The following ZCCHC4 variants were observed in gnomAD, a reference collection of about 807,000 sequenced individuals.
ZCCHC4 encodes rRNA N(6)-adenosine-methyltransferase ZCCHC4.
Under a neutral mutation model 67.7 loss-of-function variants are expected in ZCCHC4, and 54 were observed. The observed-to-expected ratio is 0.80, with a 90% CI of 0.64 to 1.00. The LOEUF is 1.00. ZCCHC4 is among the 50% of genes least tolerant of loss of function. The pLI is 0.00. For synonymous variants in ZCCHC4, 198 were observed against 213.5 expected (o/e 0.93, Z 0.63); for missense variants, 609 against 617.0 (o/e 0.99, Z 0.14).
chr4:25,344,615 TAATAA>T (rs918590114), intron 5 of ZCCHC4, among the ~76,000 whole-genome samples: 5 of 151,368 alleles, frequency 3.3e-5, no homozygotes, highest in African/African-American at 9.7e-5. Flanking sequence ...AGTATAATAA[TAATAA>T]AATAAAATAA....
Position 25,369,844 on chromosome 4 carries a change from C to T in ZCCHC4, c.*680C>T, listed in dbSNP as rs916939772. Reference sequence around the variant, plus strand: ...ACCTATGCAGTTTGTTTACCGTGAACATAAAAGTATGTTAATTTAAATAGG... The same window carrying T: ...ACCTATGCAGTTTGTTTACCGTGAATATAAAAGTATGTTAATTTAAATAGG... On this transcript the variant is annotated 3_prime_UTR_variant, in exon 13 of 13. Coordinates refer to ENST00000302874, the MANE Select transcript of ZCCHC4 (RefSeq NM_024936.3). 6.6e-6 allele frequency: 1 copy of T among 152,088 alleles called. No individual in the cohort carries two copies. The highest frequency in any genetic ancestry group is 2.4e-5 in the African/African-American group (1 of 41,406). The allele number at this position is 152,088 out of a possible 1,614,324, so 9.4% of individuals were successfully genotyped here.
At chr4:25,337,390 C>T (rs1011520752) in intron 5 of ZCCHC4, among the ~76,000 whole-genome samples, 1 of 152,198 alleles carries the variant, frequency 6.6e-6, no homozygotes, top group Non-Finnish European at 1.5e-5. Context: ...TTCCTTCCTA[C>T]TGCCAGGGAC....
chr4:25,369,284 A>C lies in ZCCHC4; in HGVS notation c.*120A>C. ...AGAGGTGTGCACCTTTCTGAGCTAG[A>C]TAACAGGCAGGTGGCATTTGCTGGT... On this transcript the variant is annotated 3_prime_UTR_variant, in exon 13 of 13. Transcript: ENST00000302874. 7.1e-7 allele frequency: 1 copy of C among 1,409,456 alleles called. No individual in the cohort carries two copies. Among genetic ancestry groups the C allele is most frequent in the Non-Finnish European group, 9.7e-7 (1 of 1,033,368 alleles). 87.3% of individuals were successfully genotyped at this position (1,409,456 alleles called of 1,614,324 possible). A position where few individuals can be genotyped will look rare whatever the true frequency, so the allele number is the denominator to read the frequency against.
chr4:25,352,453 G>C (rs1423901353), intron 8 of ZCCHC4: 4 of 952,692 alleles, frequency 4.2e-6, no homozygotes, highest in Non-Finnish European at 5.0e-6. Flanking sequence ...CTGTCACCCA[G>C]TCTGGAGTGC....
intron 3 of ZCCHC4, among the ~76,000 whole-genome samples, chr4:25,324,287 T>C (rs1425058692): frequency 6.6e-6 from 1 of 152,074 alleles, no homozygotes; most frequent in Non-Finnish European, 1.5e-5. Context: ...AGTGCTGGGA[T>C]TACAGGCATG....
chr4:25,353,427 G>A (rs1049135692), intron 8 of ZCCHC4, among the ~76,000 whole-genome samples: 5 of 152,152 alleles, frequency 3.3e-5, no homozygotes, highest in African/African-American at 4.8e-5. Context: ...CATTTAACTC[G>A]TTTTTGGGGC....
At chr4:25,338,572 C>T (rs1451812392) in intron 5 of ZCCHC4, among the ~76,000 whole-genome samples, 2 of 152,178 alleles carry the variant, frequency 1.3e-5, no homozygotes, top group Non-Finnish European at 1.5e-5. Flanking sequence ...CAGCCTTTGA[C>T]AACCATGAAT....
At chr4:25,347,645 C>T (rs1041847416) in intron 6 of ZCCHC4, among the ~76,000 whole-genome samples, 5 of 152,158 alleles carry the variant, frequency 3.3e-5, no homozygotes, top group East Asian at 1.9e-4. Flanking sequence ...ATTTAAGTGT[C>T]GGCTCAGTGC....
chr4:25,331,557 G>A (rs182367653), intron 3 of ZCCHC4, among the ~76,000 whole-genome samples: 24 of 152,282 alleles, frequency 1.6e-4, no homozygotes, highest in Admixed American at 6.5e-4. Flanking sequence ...TCCTCCTGTC[G>A]TGGGCTCCCA....
At chr4:25,314,274 C>A in intron 2 of ZCCHC4, 110 bp downstream of exon 2, 2 of 678,672 alleles carry the variant, frequency 2.9e-6, no homozygotes, top group Non-Finnish European at 2.5e-6. Flanking sequence ...AGATAAATCT[C>A]TTAAGAGAGA....
rs527361105 is a variant in ZCCHC4, at chr4:25,353,849, T to G, written c.1011+2160T>G. Reference sequence around the variant, plus strand: ...GCAAGTATTAAGTTTAGGTTCTTGCTGTCGGCATTGTCATCACCATCACTG... The same window carrying G: ...GCAAGTATTAAGTTTAGGTTCTTGCGGTCGGCATTGTCATCACCATCACTG... On this transcript the variant is annotated intron_variant, in intron 8 of 12. Coordinates refer to ENST00000302874, the MANE Select transcript of ZCCHC4 (RefSeq NM_024936.3). 7.7e-3 allele frequency among the ~76,000 whole-genome samples: 1,172 copies of G among 152,334 alleles called. 7 individuals are homozygous for G. The highest frequency in any genetic ancestry group is 0.011 in the Non-Finnish European group (740 of 68,026).
chr4:25,316,927 A>G (rs1273464335), intron 3 of ZCCHC4, among the ~76,000 whole-genome samples: 1 of 152,200 alleles, frequency 6.6e-6, no homozygotes, highest in Admixed American at 6.6e-5. Context: ...CTTTTTTGAA[A>G]TACTAAACCA....
chr4:25,319,391 A>G (rs913404600), intron 3 of ZCCHC4, among the ~76,000 whole-genome samples: 9 of 152,042 alleles, frequency 5.9e-5, no homozygotes, highest in African/African-American at 2.2e-4. Flanking sequence ...TCTCAAAGAA[A>G]AAAAAAAAAG....
chr4:25,315,890 T>A (rs1310947065), intron 3 of ZCCHC4, among the ~76,000 whole-genome samples: 1 of 152,116 alleles, frequency 6.6e-6, no homozygotes, highest in Admixed American at 6.5e-5. Flanking sequence ...TTTATTATTA[T>A]TTTTTATAGA....
In ZCCHC4 at chr4:25,312,785, A is replaced by G; in HGVS notation, c.-25A>G. 1 of 1,612,448 alleles carries G rather than the reference A, an allele frequency of 6.2e-7. No individual in the cohort carries two copies. The highest frequency in any genetic ancestry group is 8.5e-7 in the Non-Finnish European group (1 of 1,179,750). ...TTCTCAGCATTCTTGTTTCGTACTG[A>G]GGCTTTCGGGACGGCGGCGGGAAGA... On this transcript the variant is annotated 5_prime_UTR_variant, in exon 1 of 13. Transcript: ENST00000302874.
At chr4:25,356,046 C>T (rs114117365) in intron 8 of ZCCHC4, among the ~76,000 whole-genome samples, 127 of 152,288 alleles carry the variant, frequency 8.3e-4, no homozygotes, top group Non-Finnish European at 1.5e-3. Flanking sequence ...ATGGACGTCT[C>T]GGTCTCCATT....
chr4:25,314,139 A>G lies in ZCCHC4; in HGVS notation c.221A>G (p.Asn74Ser). ...GCCTGTAGAGATAGAAAAGACTGTAATTTTTTTCAGTGGGAAGATGAAAAG... is the reference window on the plus strand; with the variant it reads ...GCCTGTAGAGATAGAAAAGACTGTAGTTTTTTTCAGTGGGAAGATGAAAAG... ...CSACRDRKDC[N>S]FFQWEDEKLS... The change falls in exon 2 of 13, where the codon AAT (asparagine) becomes AGT (serine). Residue 74 changes from asparagine to serine, a missense_variant. Asn to Ser is a conservative substitution (Grantham distance 46). Coordinates refer to ENST00000302874, the MANE Select transcript of ZCCHC4 (RefSeq NM_024936.3). The G allele has an allele frequency of 6.3e-7, 1 of 1,599,798 alleles. No homozygotes were observed. Among genetic ancestry groups the G allele is most frequent in the South Asian group, 1.1e-5 (1 of 88,474 alleles).
At chr4:25,361,458 T>C (rs1720733439) in intron 8 of ZCCHC4, among the ~76,000 whole-genome samples, 1 of 152,206 alleles carries the variant, frequency 6.6e-6, no homozygotes, top group Admixed American at 6.5e-5. Context: ...CTCCACATGT[T>C]ATATAACCAC....
At chr4:25,315,789 C>A (rs150289100) in intron 3 of ZCCHC4, among the ~76,000 whole-genome samples, 99 of 151,424 alleles carry the variant, frequency 6.5e-4, no homozygotes, top group African/African-American at 2.0e-3. Context: ...TCACGACTCA[C>A]TATAGCCTCA....
Sources: allele counts gnomAD v4.1 joint callset (sites outside exome capture counted in the v4.1 genomes callset), GRCh38; gene constraint gnomAD v4.1.1; transcripts MANE v1.5; gene names NCBI Gene and HGNC (gene_info 2026-07-23, HGNC 2026-07-21).